Variants in ANKRD27 observed in about 807,000 individuals in gnomAD.
ANKRD27 encodes the protein ankyrin repeat domain-containing protein 27.
A neutral mutation model predicts 129.7 loss-of-function variants in ANKRD27; 112 were observed. That is an observed-to-expected ratio of 0.86 (90% CI 0.74 to 1.01). The LOEUF (loss-of-function observed/expected upper bound fraction) is 1.01, where lower values mean the gene tolerates loss of function less well. Among genes scored for constraint, ANKRD27 ranks in the 50% least tolerant of loss-of-function variants. The pLI, the probability that ANKRD27 is intolerant of heterozygous loss-of-function variation, is 0.00. For missense variants in ANKRD27, 1,258 were observed against 1,300.5 expected, an observed-to-expected ratio of 0.97 and a Z score of 0.50; for synonymous variants, 516 against 511.2, an observed-to-expected ratio of 1.01 and a Z score of -0.13.
chr19:32,599,828 C>T (rs755886166), intron 27 of ANKRD27, 52 bp from the exon 28 acceptor site: 4 of 1,591,818 alleles, frequency 2.5e-6, no homozygotes, highest in Non-Finnish European at 2.6e-6. Flanking sequence ...GCATGAAACA[C>T]TCTGGTTGGC....
In ANKRD27 at chr19:32,606,955, AAAAAAAAAAAAAAAAAAAAG is replaced by A. The variant is rs1408759838; in HGVS notation, c.2373+660_2373+679del. Among the ~76,000 whole-genome samples, 222 of 120,724 alleles carry A rather than the reference AAAAAAAAAAAAAAAAAAAAG, an allele frequency of 1.8e-3. 1 individual carries two copies. The highest frequency in any genetic ancestry group is 7.3e-3 in the African/African-American group (215 of 29,638). 79.2% of individuals were successfully genotyped at this position (120,724 alleles called of 152,430 possible). A position where few individuals can be genotyped will look rare whatever the true frequency, so the allele number is the denominator to read the frequency against. On this transcript the variant is annotated intron_variant, in intron 23 of 28. Coordinates refer to ENST00000306065, the MANE Select transcript of ANKRD27 (RefSeq NM_032139.3). ...CCATCTCCACAAAAAAAAAAAAAAA[AAAAAAAAAAAAAAAAAAAAG>A]AAAAATTTATCTAGGTGTGGTGGTG...
chr19:32,605,480 T>G (rs1206992579), intron 24 of ANKRD27, among the ~76,000 whole-genome samples: 1 of 152,232 alleles, frequency 6.6e-6, no homozygotes, highest in Non-Finnish European at 1.5e-5. Context: ...CCTACTTCTT[T>G]AAGAAATTCT....
intron 9 of ANKRD27, 47 bp from the exon 10 acceptor site, chr19:32,642,192 A>T (rs1241751285): frequency 6.6e-7 from 1 of 1,521,116 alleles, no homozygotes; most frequent in Middle Eastern, 1.8e-4. Context: ...CAGTAAGAGA[A>T]CCCTCTGGCC....
intron 14 of ANKRD27, 36 bp from the exon 15 acceptor site, chr19:32,628,201 G>C (rs750407956): frequency 1.3e-6 from 2 of 1,575,532 alleles, no homozygotes; most frequent in Non-Finnish European, 1.7e-6. Context: ...CTACACAGGG[G>C]AATGGCACAG....
chr19:32,628,057 C>G, intron 15 of ANKRD27, 26 bp downstream of exon 15: 1 of 1,611,158 alleles, frequency 6.2e-7, no homozygotes, highest in Non-Finnish European at 8.5e-7. Context: ...GTGACAGCCC[C>G]TAGGGGCCAG....
At chr19:32,618,306 G>C (rs1280851868) in intron 20 of ANKRD27, among the ~76,000 whole-genome samples, 1 of 151,624 alleles carries the variant, frequency 6.6e-6, no homozygotes, top group African/African-American at 2.4e-5. Flanking sequence ...CTATGATTTA[G>C]AAAAATACAC....
At chr19:32,624,295 A>G (rs1479359912) in intron 17 of ANKRD27, among the ~76,000 whole-genome samples, 4 of 150,408 alleles carry the variant, frequency 2.7e-5, no homozygotes, top group Non-Finnish European at 5.9e-5. Context: ...TGAACCCGGG[A>G]GGCAGAGGTT....
chr19:32,667,627 G>T (rs989410037), intron 1 of ANKRD27, among the ~76,000 whole-genome samples: 21 of 152,010 alleles, frequency 1.4e-4, no homozygotes, highest in Non-Finnish European at 4.4e-5. Flanking sequence ...GGCCGAGGTG[G>T]GCGGATCCAG....
At chr19:32,609,330 GT>G (rs770660413) in intron 22 of ANKRD27, among the ~76,000 whole-genome samples, 3 of 150,002 alleles carry the variant, frequency 2.0e-5, no homozygotes, top group Admixed American at 6.6e-5. Flanking sequence ...ACTCCTAGGT[GT>G]TTACCCACCA....
chr19:32,607,910 C>CAAT, intron 22 of ANKRD27, 78 bp from the exon 23 acceptor site: 4 of 1,404,988 alleles, frequency 2.8e-6, no homozygotes, highest in Non-Finnish European at 2.9e-6. Flanking sequence ...CACCATGTGC[C>CAAT]CCCCACAGCT....
Position 32,649,807 on chromosome 19 carries a change from T to C in ANKRD27, c.103-15A>G. Reference sequence around the variant, plus strand: ...GGTACTAAGACCTGGAAAAAACAATTCGGGGCAACATTAGACAGACGTGCC... The same window carrying C: ...GGTACTAAGACCTGGAAAAAACAATCCGGGGCAACATTAGACAGACGTGCC... On this transcript the variant is annotated splice_polypyrimidine_tract_variant and intron_variant, in intron 2 of 28. Transcript: ENST00000306065. 1 of 1,549,232 alleles carries C rather than the reference T, an allele frequency of 6.5e-7. No homozygotes were observed. Among genetic ancestry groups the C allele is most frequent in the Non-Finnish European group, 8.9e-7 (1 of 1,120,764 alleles).
chr19:32,603,273 T>C (rs2145256467), intron 25 of ANKRD27, among the ~76,000 whole-genome samples: 1 of 152,220 alleles, frequency 6.6e-6, no homozygotes, highest in African/African-American at 2.4e-5. Flanking sequence ...AGAGCAAGAC[T>C]CTGTCTTAAG....
chr19:32,637,535 G>C (rs1239454772), intron 12 of ANKRD27: 1 of 152,308 alleles, frequency 6.6e-6, no homozygotes, highest in East Asian at 1.9e-4. Context: ...CCCATCGGGA[G>C]TGGCTGCTGC....
intron 3 of ANKRD27, among the ~76,000 whole-genome samples, chr19:32,648,309 A>T (rs1389601448): frequency 6.6e-6 from 1 of 152,080 alleles, no homozygotes; most frequent in Admixed American, 6.6e-5. Flanking sequence ...AGCTAAGAAG[A>T]AGTTTTTTTT....
rs765358784 is a variant in ANKRD27 at position 32,644,475 on chromosome 19, C to A, written c.375G>T (p.Glu125Asp). Residue 125 changes from glutamate to aspartate, a missense_variant, in exon 5 of 29, where the codon GAG (glutamate) becomes GAT (aspartate). Physicochemically the swap from Glu to Asp is conservative, Grantham distance 45. Coordinates refer to ENST00000306065, the MANE Select transcript of ANKRD27 (RefSeq NM_032139.3). Reference protein sequence around the residue: ...HPLEKRESSEEPLAPSDPFSL... With the variant: ...HPLEKRESSEDPLAPSDPFSL... ...AAAAGGGATCTGAGGGTGCCAAAGG[C>A]TCTTCTGAAAAAGAAACAAACAGGT... is the stretch of plus-strand genomic sequence containing the variant. The A allele has an allele frequency of 6.8e-6, 11 of 1,613,080 alleles. No individual in the cohort carries two copies. The South Asian group carries it at 1.1e-4, about 16-fold the overall frequency.
chr19:32,612,396 C>T (rs1435013225), intron 22 of ANKRD27, among the ~76,000 whole-genome samples: 2 of 152,084 alleles, frequency 1.3e-5, no homozygotes, highest in East Asian at 3.9e-4. Context: ...TGATATAGCT[C>T]AGACCAGTCT....
At chr19:32,641,981 T>G (rs1438658159) in intron 10 of ANKRD27, 43 bp downstream of exon 10, 5 of 1,511,102 alleles carry the variant, frequency 3.3e-6, no homozygotes, top group South Asian at 2.6e-5. Context: ...TTCATCTGGA[T>G]GTAGCATCTA....
In ANKRD27 at chr19:32,606,799, AG is replaced by A. The variant is rs1056239087; in HGVS notation, c.2373+835del. Among the ~76,000 whole-genome samples, 67 of 151,906 alleles carry A rather than the reference AG, an allele frequency of 4.4e-4. 2 individuals are homozygous for A. Among genetic ancestry groups the A allele is most frequent in the Non-Finnish European group, 1.3e-4 (9 of 67,986 alleles). On this transcript the variant is annotated intron_variant, in intron 23 of 28. Transcript: ENST00000306065. ...AAGGAAAATGAAAAAATATACACAC[AG>A]TTTTCCTTAAAGAAAAGCAGGGCCT...
At chr19:32,672,308 T>C (rs1018062748) in intron 1 of ANKRD27, among the ~76,000 whole-genome samples, 1 of 152,244 alleles carries the variant, frequency 6.6e-6, no homozygotes, top group Non-Finnish European at 1.5e-5. Flanking sequence ...GTGATGTATG[T>C]ATGCTGTTAC....
Sources: allele counts gnomAD v4.1 joint callset (sites outside exome capture counted in the v4.1 genomes callset), GRCh38; gene constraint gnomAD v4.1.1; transcripts MANE v1.5; gene names NCBI Gene and HGNC (gene_info 2026-07-23, HGNC 2026-07-21).